TRAPPC9: variants seen among roughly 807,000 people sequenced by gnomAD.
The protein encoded by TRAPPC9 is trafficking protein particle complex subunit 9, also known as IKK2 binding protein.
In TRAPPC9, 83 loss-of-function variants were observed where a neutral mutation model predicts 124.0. The ratio of observed to expected loss-of-function variants is 0.67; its 90% CI spans 0.56 to 0.80. The LOEUF (loss-of-function observed/expected upper bound fraction) is 0.80. Among genes scored for constraint, TRAPPC9 ranks in the 30% least tolerant of loss-of-function variants. TRAPPC9 has a pLI of 0.00. For missense variants in TRAPPC9, 1,302 were observed against 1,508.3 expected, an observed-to-expected ratio of 0.86 and a Z score of 2.27; for synonymous variants, 638 against 617.5, an observed-to-expected ratio of 1.03 and a Z score of -0.49.
At chr8:139,787,542 A>C (rs1472733900) in intron 21 of TRAPPC9, among the ~76,000 whole-genome samples, 1 of 152,194 alleles carries the variant, frequency 6.6e-6, no homozygotes, top group Non-Finnish European at 1.5e-5. Context: ...ACGCTTTCAA[A>C]GCCTAATATG....
chr8:140,286,051 G>A (rs1242217631), intron 13 of TRAPPC9, among the ~76,000 whole-genome samples: 1 of 152,234 alleles, frequency 6.6e-6, no homozygotes, highest in Non-Finnish European at 1.5e-5. Flanking sequence ...AGTCAGGAAG[G>A]AGGCCACCGC....
chr8:139,806,571 G>C (rs1244070941), intron 21 of TRAPPC9, among the ~76,000 whole-genome samples: 2 of 152,224 alleles, frequency 1.3e-5, no homozygotes, highest in Admixed American at 6.5e-5. Context: ...TACCTGAACC[G>C]GGAGGCATCC....
At chr8:139,886,835 T>C (rs1054824218) in intron 20 of TRAPPC9, among the ~76,000 whole-genome samples, 3 of 152,138 alleles carry the variant, frequency 2.0e-5, no homozygotes, top group Non-Finnish European at 2.9e-5. Context: ...CCCATTCTGG[T>C]GAAGGCAGCA....
intron 16 of TRAPPC9, among the ~76,000 whole-genome samples, chr8:140,247,690 C>A (rs2064020559): frequency 6.6e-6 from 1 of 152,112 alleles, no homozygotes; most frequent in South Asian, 2.1e-4. Context: ...TGCATGCATG[C>A]ATGTACGTTA....
chr8:140,005,007 G>C (rs1175063989), intron 18 of TRAPPC9, among the ~76,000 whole-genome samples: 1 of 152,148 alleles, frequency 6.6e-6, no homozygotes, highest in Non-Finnish European at 1.5e-5. Flanking sequence ...AGACTGGAGA[G>C]CTTTTTCACA....
chr8:139,999,931 C>A (rs568859930), intron 18 of TRAPPC9, among the ~76,000 whole-genome samples: 3 of 152,250 alleles, frequency 2.0e-5, no homozygotes, highest in Admixed American at 2.0e-4. Context: ...AGAGAAAAAT[C>A]CATATCATTA....
rs543508012 is a variant in TRAPPC9 at position 139,751,937 on chromosome 8, A to G, written c.3056-19735T>C. Among the ~76,000 whole-genome samples, 15 of 147,634 alleles carry G rather than the reference A, an allele frequency of 1.0e-4. No homozygotes were observed. In the East Asian group the frequency reaches 3.1e-3, roughly 30 times the overall value. On this transcript the variant is annotated intron_variant, in intron 21 of 22. Transcript: ENST00000438773. The stretch of plus-strand genomic sequence containing the variant: ...TCCACCATCCATCTATCCACCATCT[A>G]CCCACCATCCATCCAGCATCCACCC...
chr8:140,028,335 T>C (rs574378652), intron 17 of TRAPPC9, among the ~76,000 whole-genome samples: 1 of 152,222 alleles, frequency 6.6e-6, no homozygotes, highest in Admixed American at 6.5e-5. Context: ...ACAACCAAAA[T>C]GTTTATTTTC....
intron 21 of TRAPPC9, among the ~76,000 whole-genome samples, chr8:139,746,134 C>A (rs1818869414): frequency 6.6e-6 from 1 of 152,250 alleles, no homozygotes; most frequent in African/African-American, 2.4e-5. Context: ...GCAATCGCCG[C>A]CGGTGGCACC....
At chr8:140,074,525 G>C (rs182062144) in intron 17 of TRAPPC9, among the ~76,000 whole-genome samples, 1 of 152,344 alleles carries the variant, frequency 6.6e-6, no homozygotes, top group East Asian at 1.9e-4. Flanking sequence ...ACAGAAGATG[G>C]CAGGGTGGGA....
At chr8:140,133,146 G>A (rs766327772) in intron 17 of TRAPPC9, among the ~76,000 whole-genome samples, 3 of 152,174 alleles carry the variant, frequency 2.0e-5, no homozygotes, top group East Asian at 1.9e-4. Context: ...GATGGATACC[G>A]ATGCAAAACC....
At chr8:139,794,397 C>T (rs752201130) in intron 21 of TRAPPC9, among the ~76,000 whole-genome samples, 4 of 152,212 alleles carry the variant, frequency 2.6e-5, no homozygotes, top group South Asian at 2.1e-4. Context: ...TTCCAGATGT[C>T]GCTGTCCATA....
chr8:139,811,812 AT>A (rs901020326), intron 21 of TRAPPC9, among the ~76,000 whole-genome samples: 9 of 152,280 alleles, frequency 5.9e-5, no homozygotes, highest in African/African-American at 1.9e-4. Flanking sequence ...TTTAAGATAT[AT>A]TTTTTTGGAC....
At chr8:139,915,390 G>C (rs1486879984) in intron 19 of TRAPPC9, among the ~76,000 whole-genome samples, 1 of 152,152 alleles carries the variant, frequency 6.6e-6, no homozygotes, top group African/African-American at 2.4e-5. Context: ...GGGATTACAG[G>C]TGCATACTAC....
At position 139,902,025 on chromosome 8, in the gene TRAPPC9, T is replaced by C. The variant is rs550644528; in HGVS notation, c.2964+8122A>G. 5.1e-4 allele frequency among the ~76,000 whole-genome samples: 78 copies of C among 152,340 alleles called. 1 individual carries two copies. The highest frequency in any genetic ancestry group is 1.6e-3 in the African/African-American group (68 of 41,584). On this transcript the variant is annotated intron_variant, in intron 20 of 22. Coordinates refer to ENST00000438773, the MANE Select transcript of TRAPPC9 (RefSeq NM_001160372.4). Reference sequence around the variant, plus strand: ...AACTTTATGATTCTATTACATAAGCTACGCATGCTCACAATAATCATCACG... The same window carrying C: ...AACTTTATGATTCTATTACATAAGCCACGCATGCTCACAATAATCATCACG...
chr8:140,231,121 T>C (rs2063582198), intron 16 of TRAPPC9, among the ~76,000 whole-genome samples: 1 of 152,222 alleles, frequency 6.6e-6, no homozygotes, highest in African/African-American at 2.4e-5. Context: ...GAGAAAGATA[T>C]TTGCTGGGTG....
At chr8:139,937,175 A>C (rs1833585420) in intron 19 of TRAPPC9, among the ~76,000 whole-genome samples, 1 of 152,152 alleles carries the variant, frequency 6.6e-6, no homozygotes. Context: ...CTGTGTCTAC[A>C]GGACATTGCA....
intron 19 of TRAPPC9, among the ~76,000 whole-genome samples, chr8:139,970,250 C>T (rs10875447): frequency 0.28 from 43,347 of 152,204 alleles, 6,251 homozygotes; most frequent in Middle Eastern, 0.35. Context: ...CTGACGCTGG[C>T]GCCCGCAGCA....
intron 21 of TRAPPC9, among the ~76,000 whole-genome samples, chr8:139,806,876 A>G (rs2130721258): frequency 6.6e-6 from 1 of 152,332 alleles, no homozygotes; most frequent in East Asian, 1.9e-4. Flanking sequence ...ACGGGGGAGA[A>G]GCTTATAGAA....
Sources: gnomAD v4.1 joint callset for allele counts (sites outside exome capture counted in the v4.1 genomes callset) on GRCh38, gnomAD v4.1.1 for gene constraint, MANE v1.5 for transcripts, NCBI Gene and HGNC (gene_info 2026-07-23, HGNC 2026-07-21) for gene names.